Variants in ADD2 observed in about 807,000 individuals in gnomAD.
The protein encoded by ADD2 is beta-adducin.
Under a neutral mutation model 83.0 loss-of-function variants are expected in ADD2, and 23 were observed. The observed-to-expected ratio is 0.28, with a 90% CI of 0.20 to 0.39. The LOEUF (loss-of-function observed/expected upper bound fraction) is 0.39, where lower values mean the gene tolerates loss of function less well. Ranked by LOEUF, ADD2 falls within the 10% of genes least tolerant of loss-of-function variation. The pLI, the probability that ADD2 is intolerant of heterozygous loss-of-function variation, is 1.00. For missense variants in ADD2, 758 were observed against 944.9 expected (o/e 0.80, Z 2.59); for synonymous variants, 375 against 375.4 (o/e 1.00, Z 0.01).
intron 6 of ADD2, among the ~76,000 whole-genome samples, chr2:70,695,007 C>T (rs992951850): frequency 7.2e-5 from 11 of 152,108 alleles, no homozygotes; most frequent in African/African-American, 2.7e-4. Context: ...TTTCTTACCT[C>T]TCAAGTGGCC....
rs1675595323 is a variant in ADD2, at chr2:70,662,954, G to A, written c.*471C>T. 1 of 156,050 alleles carries A rather than the reference G, an allele frequency of 6.4e-6. No individual in the cohort carries two copies. The highest frequency in any genetic ancestry group is 2.0e-4 in the South Asian group (1 of 5,056). The allele number at this position is 156,050 out of a possible 1,614,324, so 9.7% of individuals were successfully genotyped here. ...GGGACCCAAAGTGGAAAAGAGAAGA[G>A]ATTTTTAAATGTAGAGATAGCTCCA... On this transcript the variant is annotated 3_prime_UTR_variant, in exon 16 of 16. Coordinates refer to ENST00000264436, the MANE Select transcript of ADD2 (RefSeq NM_001617.4).
Position 70,658,392 on chromosome 2 carries a change from C to T in ADD2, c.*5033G>A, listed in dbSNP as rs146449672. ...TCTGGAAGTAATTACACTCCATGTA[C>T]GCTTTCTTATGTTATGGTGCAAGTG... On this transcript the variant is annotated 3_prime_UTR_variant, in exon 16 of 16. Coordinates refer to ENST00000264436, the MANE Select transcript of ADD2 (RefSeq NM_001617.4). The T allele has an allele frequency of 4.6e-5, 7 of 152,266 alleles. No homozygotes were observed. Among genetic ancestry groups the T allele is most frequent in the African/African-American group, 9.6e-5 (4 of 41,544 alleles). 9.4% of individuals were successfully genotyped at this position (152,266 alleles called of 1,614,324 possible). A position where few individuals can be genotyped will look rare whatever the true frequency, so the allele number is the denominator to read the frequency against.
At chr2:70,711,289 TTCA>T (rs2104404143) in intron 2 of ADD2, 1 of 152,302 alleles carries the variant, frequency 6.6e-6, no homozygotes, top group African/African-American at 2.4e-5. Flanking sequence ...TCTTTTGTTA[TTCA>T]TCATGAGCCT....
intron 9 of ADD2, among the ~76,000 whole-genome samples, chr2:70,687,670 G>T (rs1289767633): frequency 2.0e-5 from 3 of 152,100 alleles, no homozygotes; most frequent in Non-Finnish European, 4.4e-5. Context: ...GGTGCAACAG[G>T]TATACCCCAC....
At chr2:70,734,133 A>G (rs1673408431) in intron 1 of ADD2, among the ~76,000 whole-genome samples, 1 of 152,194 alleles carries the variant, frequency 6.6e-6, no homozygotes, top group Non-Finnish European at 1.5e-5. Context: ...TGGGGGCTCT[A>G]TTAATGGCTC....
intron 1 of ADD2, among the ~76,000 whole-genome samples, chr2:70,727,177 T>C (rs1553378447): frequency 1.3e-5 from 2 of 152,176 alleles, no homozygotes; most frequent in African/African-American, 4.8e-5. Context: ...CACTGTGCCA[T>C]TTCTTTCAGG....
chr2:70,766,351 G>T (rs1675381258), intron 1 of ADD2, among the ~76,000 whole-genome samples: 1 of 152,176 alleles, frequency 6.6e-6, no homozygotes, highest in Non-Finnish European at 1.5e-5. Flanking sequence ...TAGGAGAAAA[G>T]TCTCTACAGA....
Position 70,731,760 on chromosome 2 carries a change from C to T in ADD2, c.-153-18576G>A, listed in dbSNP as rs781843635. On this transcript the variant is annotated intron_variant, in intron 1 of 15. Coordinates refer to ENST00000264436, the MANE Select transcript of ADD2 (RefSeq NM_001617.4). ...ACAAATCCCTCTACGGACCCCACAG[C>T]GATGGACTGCTGAGTTCTGCTGTTC... Among the ~76,000 whole-genome samples, 15 of 152,316 alleles carry T rather than the reference C, an allele frequency of 9.8e-5. No individual in the cohort carries two copies. In the East Asian group the frequency reaches 1.2e-3, roughly 12 times the overall value.
At chr2:70,752,736 G>C (rs1223139864) in intron 1 of ADD2, among the ~76,000 whole-genome samples, 1 of 152,224 alleles carries the variant, frequency 6.6e-6, no homozygotes, top group Non-Finnish European at 1.5e-5. Context: ...TGAGACGCCT[G>C]TAAGACATGC....
rs1282577793 is a variant in ADD2, at chr2:70,749,819, A to G, written c.-154+18067T>C. Among the ~76,000 whole-genome samples the G allele has an allele frequency of 2.0e-5, 3 of 152,222 alleles. 1 individual carries two copies. The highest frequency in any genetic ancestry group is 7.2e-5 in the African/African-American group (3 of 41,456). On this transcript the variant is annotated intron_variant, in intron 1 of 15. Transcript: ENST00000264436. ...GAGCAGGCAGACAGGAGCCTGGCAC[A>G]TTGGTACCATAAGGAGTCGCTGCAC...
In ADD2 at chr2:70,684,753, A is replaced by G. The variant is rs911072973; in HGVS notation, c.949-986T>C. 4.6e-5 allele frequency among the ~76,000 whole-genome samples: 7 copies of G among 152,316 alleles called. No individual in the cohort carries two copies. In the South Asian group the frequency reaches 1.4e-3, roughly 32 times the overall value. ...CAGCCAAGCACTGTGCAGGGGTGAGAGTTCCCACACATGGACTTAGAGTGT... is the reference window on the plus strand; with the variant it reads ...CAGCCAAGCACTGTGCAGGGGTGAGGGTTCCCACACATGGACTTAGAGTGT... On this transcript the variant is annotated intron_variant, in intron 9 of 15. Coordinates refer to ENST00000264436, the MANE Select transcript of ADD2 (RefSeq NM_001617.4).
At chr2:70,712,460 T>TAAAAA (rs782194928) in intron 2 of ADD2, among the ~76,000 whole-genome samples, 1 of 81,814 alleles carries the variant, frequency 1.2e-5, no homozygotes, top group African/African-American at 3.4e-5. Context: ...AATAAATAAA[T>TAAAAA]AAAAAAAAAA....
chr2:70,691,321 C>G (rs1553371616), intron 7 of ADD2, among the ~76,000 whole-genome samples: 2 of 152,154 alleles, frequency 1.3e-5, no homozygotes, highest in Non-Finnish European at 2.9e-5. Flanking sequence ...TAAGCAGAGT[C>G]CAGATCTCTT....
chr2:70,667,945 G>A (rs567476890), intron 15 of ADD2, among the ~76,000 whole-genome samples: 93 of 152,230 alleles, frequency 6.1e-4, no homozygotes, highest in Admixed American at 1.0e-3. Flanking sequence ...TCAGTAGTCG[G>A]AATATAGAAG....
chr2:70,686,568 T>C lies in ADD2; in HGVS notation c.948+1456A>G, dbSNP rs1249742305. 5.3e-5 allele frequency among the ~76,000 whole-genome samples: 8 copies of C among 152,242 alleles called. No homozygotes were observed. In the East Asian group the frequency reaches 1.5e-3, roughly 29 times the overall value. On this transcript the variant is annotated intron_variant, in intron 9 of 15. Coordinates refer to ENST00000264436, the MANE Select transcript of ADD2 (RefSeq NM_001617.4). Reference sequence around the variant, plus strand: ...TAGGGCTGAGCTGTCTTTGCAGAGATGATGTTTTTACAGGAGATATTTTCT... The same window carrying C: ...TAGGGCTGAGCTGTCTTTGCAGAGACGATGTTTTTACAGGAGATATTTTCT...
At chr2:70,733,004 C>T (rs375815546) in intron 1 of ADD2, among the ~76,000 whole-genome samples, 1 of 152,208 alleles carries the variant, frequency 6.6e-6, no homozygotes, top group South Asian at 2.1e-4. Context: ...TAATTCCCAT[C>T]TCATCACAGC....
chr2:70,723,240 G>A (rs1472992386), intron 1 of ADD2, among the ~76,000 whole-genome samples: 5 of 152,164 alleles, frequency 3.3e-5, no homozygotes, highest in African/African-American at 1.2e-4. Flanking sequence ...GTCCAATGTG[G>A]AGAAGAACAG....
intron 1 of ADD2, among the ~76,000 whole-genome samples, chr2:70,754,977 C>A (rs1278127643): frequency 6.6e-6 from 1 of 152,126 alleles, no homozygotes; most frequent in African/African-American, 2.4e-5. Context: ...TTGCAAAACA[C>A]CTCTAACTCC....
At chr2:70,751,437 T>C (rs1206759112) in intron 1 of ADD2, among the ~76,000 whole-genome samples, 2 of 152,224 alleles carry the variant, frequency 1.3e-5, no homozygotes, top group Non-Finnish European at 2.9e-5. Context: ...TTTGGTGTTA[T>C]GTTTGCCTTA....
Sources: allele counts gnomAD v4.1 joint callset (sites outside exome capture counted in the v4.1 genomes callset), GRCh38; gene constraint gnomAD v4.1.1; transcripts MANE v1.5; gene names NCBI Gene and HGNC (gene_info 2026-07-23, HGNC 2026-07-21).